The following FGF12 variants were observed in gnomAD, a reference collection of about 807,000 sequenced individuals.
FGF12 encodes fibroblast growth factor 12B.
In FGF12, 14 loss-of-function variants were observed where a neutral mutation model predicts 23.6. The ratio of observed to expected loss-of-function variants is 0.59; its 90% CI spans 0.39 to 0.93. FGF12 has a LOEUF of 0.93. Among genes scored for constraint, FGF12 ranks in the 40% least tolerant of loss-of-function variants. The pLI, the probability that FGF12 is intolerant of heterozygous loss-of-function variation, is 0.00. For missense variants in FGF12, 175 were observed against 217.8 expected, an observed-to-expected ratio of 0.80 and a Z score of 1.24; for synonymous variants, 62 against 77.3, an observed-to-expected ratio of 0.80 and a Z score of 1.04.
chr3:192,266,595 CAT>C (rs949262708), intron 4 of FGF12, among the ~76,000 whole-genome samples: 1 of 151,970 alleles, frequency 6.6e-6, no homozygotes, highest in African/African-American at 2.4e-5. Context: ...TAAAATATGT[CAT>C]AGCAATAGCA....
At chr3:192,385,565 C>G (rs1036961775) in intron 2 of FGF12, among the ~76,000 whole-genome samples, 2 of 152,140 alleles carry the variant, frequency 1.3e-5, no homozygotes, top group Admixed American at 6.5e-5. Flanking sequence ...TTCACCCCCC[C>G]CAGCTCATAG....
At position 192,170,455 on chromosome 3, in the gene FGF12, T is replaced by A; in HGVS notation, c.427+3A>T. 6.2e-7 allele frequency: 1 copy of A among 1,613,696 alleles called. No individual in the cohort carries two copies. The highest frequency in any genetic ancestry group is 1.1e-5 in the South Asian group (1 of 91,038). ...CAACAAAGACAGTCAGTTGGTTTCA[T>A]ACCTTCAATAGGTTTCGGTACAAAA... is the stretch of plus-strand genomic sequence containing the variant. On this transcript the variant is annotated splice_donor_region_variant and intron_variant, in intron 5 of 5. Coordinates refer to ENST00000445105, the MANE Select transcript of FGF12 (RefSeq NM_004113.6).
At chr3:192,573,039 T>TG (rs1391977513) in intron 2 of FGF12, among the ~76,000 whole-genome samples, 1 of 152,138 alleles carries the variant, frequency 6.6e-6, no homozygotes, top group African/African-American at 2.4e-5. Flanking sequence ...CTTTTATACT[T>TG]GGGAAAGCAA....
intron 2 of FGF12, among the ~76,000 whole-genome samples, chr3:192,460,305 C>T (rs1328718459): frequency 6.6e-6 from 1 of 152,190 alleles, no homozygotes; most frequent in Non-Finnish European, 1.5e-5. Flanking sequence ...AAATTTTATT[C>T]CTACTCATGC....
chr3:192,373,918 G>A (rs1165749613), intron 2 of FGF12, among the ~76,000 whole-genome samples: 1 of 152,108 alleles, frequency 6.6e-6, no homozygotes, highest in African/African-American at 2.4e-5. Context: ...AATACAGCAA[G>A]GATTGATCTA....
chr3:192,247,023 G>GGGAAGGAAAGAA (rs879703388), intron 4 of FGF12, among the ~76,000 whole-genome samples: 4,785 of 129,772 alleles, frequency 0.037, 264 homozygotes, highest in East Asian at 0.078. Context: ...AAGGGAGGGA[G>GGGAAGGAAAGAA]GGAAGGAAAG....
At chr3:192,432,620 C>CAAAAAAAAAAAAAAAAAAAAAAAAAAA (rs201364119) in intron 2 of FGF12, among the ~76,000 whole-genome samples, 1 of 106,730 alleles carries the variant, frequency 9.4e-6, no homozygotes, top group Admixed American at 9.9e-5. Context: ...TGACATCTGG[C>CAAAAAAAAAAAAAAAAAAAAAAAAAAA]AAAAAAAAAA....
At chr3:192,333,644 A>G (rs1029203284) in intron 4 of FGF12, among the ~76,000 whole-genome samples, 3 of 152,016 alleles carry the variant, frequency 2.0e-5, no homozygotes, top group African/African-American at 7.2e-5. Context: ...TTCAGGAGTA[A>G]AAAAAATAAT....
intron 2 of FGF12, among the ~76,000 whole-genome samples, chr3:192,676,958 C>CT (rs1331843008): frequency 6.6e-6 from 1 of 152,186 alleles, no homozygotes; most frequent in African/African-American, 2.4e-5. Flanking sequence ...GTTTGTGGTA[C>CT]TTTGTTACAG....
intron 2 of FGF12, among the ~76,000 whole-genome samples, chr3:192,542,735 C>T (rs1725401613): frequency 6.6e-6 from 1 of 151,880 alleles, no homozygotes; most frequent in African/African-American, 2.4e-5. Context: ...GCACCCCAAG[C>T]CCAGTAACAA....
chr3:192,281,989 T>C (rs1026065602), intron 4 of FGF12, among the ~76,000 whole-genome samples: 4 of 152,140 alleles, frequency 2.6e-5, no homozygotes, highest in Admixed American at 2.6e-4. Context: ...CCTACACTCA[T>C]CTGACTGCCA....
intron 2 of FGF12, among the ~76,000 whole-genome samples, chr3:192,600,379 T>C (rs1332136120): frequency 6.6e-6 from 1 of 152,116 alleles, no homozygotes; most frequent in Non-Finnish European, 1.5e-5. Context: ...TTTGGGGTCT[T>C]TTGTGGTTCC....
chr3:192,535,527 C>G (rs1725204149), intron 2 of FGF12, among the ~76,000 whole-genome samples: 1 of 152,072 alleles, frequency 6.6e-6, no homozygotes, highest in African/African-American at 2.4e-5. Context: ...CTGGAAGGGA[C>G]TAAGGAAAAC....
In FGF12 at chr3:192,601,635, G is replaced by A. The variant is rs78826421; in HGVS notation, c.13+125546C>T. 7.0e-3 allele frequency among the ~76,000 whole-genome samples: 1,069 copies of A among 152,122 alleles called. 11 individuals are homozygous for A. Among genetic ancestry groups the A allele is most frequent in the African/African-American group, 0.025 (1,039 of 41,502 alleles). Reference sequence around the variant, plus strand: ...GTTAGTGAAGATGGGGAGATCAATCGGCAAAGCACAGAGGACTTTAAACAC... The same window carrying A: ...GTTAGTGAAGATGGGGAGATCAATCAGCAAAGCACAGAGGACTTTAAACAC... On this transcript the variant is annotated intron_variant, in intron 2 of 5. Coordinates refer to ENST00000445105, the MANE Select transcript of FGF12 (RefSeq NM_004113.6).
chr3:192,527,558 T>C (rs188276681), intron 2 of FGF12, among the ~76,000 whole-genome samples: 7 of 152,380 alleles, frequency 4.6e-5, no homozygotes, highest in Admixed American at 4.6e-4. Flanking sequence ...AATATGTAGA[T>C]ATGAAAATCA....
In FGF12 at chr3:192,334,139, G is replaced by T. The variant is rs535209957; in HGVS notation, c.228+1222C>A. ...AATTGTTTTCTTCTTTGGCAGGTCC[G>T]AGCTTAGGCAGATAAGGGAACTCCA... On this transcript the variant is annotated intron_variant, in intron 4 of 5. Coordinates refer to ENST00000445105, the MANE Select transcript of FGF12 (RefSeq NM_004113.6). 1.8e-4 allele frequency among the ~76,000 whole-genome samples: 27 copies of T among 152,130 alleles called. No homozygotes were observed. In the South Asian group the frequency reaches 5.2e-3, roughly 29 times the overall value.
At chr3:192,419,783 T>C (rs900876104) in intron 2 of FGF12, among the ~76,000 whole-genome samples, 1 of 152,090 alleles carries the variant, frequency 6.6e-6, no homozygotes, top group African/African-American at 2.4e-5. Flanking sequence ...GGATGGAAGA[T>C]TCAAGGAGAT....
intron 2 of FGF12, among the ~76,000 whole-genome samples, chr3:192,570,470 A>G (rs896265535): frequency 6.6e-6 from 1 of 152,224 alleles, no homozygotes; most frequent in Non-Finnish European, 1.5e-5. Flanking sequence ...TATAAAAGAT[A>G]AAGGTTTATG....
chr3:192,526,485 G>C (rs1281563721), intron 2 of FGF12, among the ~76,000 whole-genome samples: 1 of 152,126 alleles, frequency 6.6e-6, no homozygotes, highest in Non-Finnish European at 1.5e-5. Context: ...ATCATAGTTT[G>C]TGTCACAATT....
Sources: gnomAD v4.1 joint callset for allele counts (sites outside exome capture counted in the v4.1 genomes callset) on GRCh38, gnomAD v4.1.1 for gene constraint, MANE v1.5 for transcripts, NCBI Gene and HGNC (gene_info 2026-07-23, HGNC 2026-07-21) for gene names.